The following FAM133A variants were observed in gnomAD, a reference collection of about 807,000 sequenced individuals.
FAM133A encodes family with sequence similarity 133 member A.
For synonymous variants in FAM133A, 65 were observed against 58.6 expected (o/e 1.11, Z -0.50); for missense variants, 159 against 164.4 (o/e 0.97, Z 0.18).
intron 2 of FAM133A, among the ~76,000 whole-genome samples, chrX:93,696,384 G>T (rs1194120672): frequency 7.2e-5 from 8 of 111,144 alleles, no homozygotes; most frequent in East Asian, 2.8e-4. Context: ...CATTAAAATC[G>T]CCATCATCTT....
At chrX:93,694,179 A>G (rs1926074095) in intron 2 of FAM133A, among the ~76,000 whole-genome samples, 1 of 111,383 alleles carries the variant, frequency 9.0e-6, no homozygotes, top group Non-Finnish European at 1.9e-5. Flanking sequence ...TTTGAGAAAG[A>G]TGATATTACA....
chrX:93,711,787 G>C lies in FAM133A; in HGVS notation c.*1621G>C, dbSNP rs763597106. On this transcript the variant is annotated 3_prime_UTR_variant, in exon 4 of 4. Transcript: ENST00000683942. ...TGATGCCATGTTAGATTACCTTGGA[G>C]CTTCATAACTTTAGCTTTTTCCTAA... 2.3e-4 allele frequency: 28 copies of C among 123,128 alleles called. No individual in the cohort carries two copies. Among genetic ancestry groups the C allele is most frequent in the Non-Finnish European group, 5.1e-4 (27 of 53,198 alleles). The allele number at this position is 123,128 out of a possible 1,213,427, so 10.1% of individuals were successfully genotyped here.
At chrX:93,689,103 G>A (rs1266537251) in intron 2 of FAM133A, among the ~76,000 whole-genome samples, 2 of 107,286 alleles carry the variant, frequency 1.9e-5, no homozygotes, top group African/African-American at 6.8e-5. Flanking sequence ...GTGCGATGGC[G>A]TGATCTCGGC....
intron 2 of FAM133A, among the ~76,000 whole-genome samples, chrX:93,686,499 A>G (rs1925539348): frequency 8.9e-6 from 1 of 112,303 alleles, no homozygotes; most frequent in Non-Finnish European, 1.9e-5. Context: ...TATTTAATTC[A>G]TTGGAAAAAT....
At chrX:93,707,152 A>C (rs1927092557) in intron 3 of FAM133A, among the ~76,000 whole-genome samples, 1 of 112,209 alleles carries the variant, frequency 8.9e-6, no homozygotes, top group Non-Finnish European at 1.9e-5. Context: ...AAGAAGCTGC[A>C]AGTTGAATAT....
At chrX:93,708,169 T>C (rs1927163387) in intron 3 of FAM133A, among the ~76,000 whole-genome samples, 2 of 111,691 alleles carry the variant, frequency 1.8e-5, no homozygotes, top group South Asian at 3.7e-4. Flanking sequence ...TTCTGAGGAA[T>C]TGACATTTAA....
Position 93,700,988 on chromosome X carries a change from G to T in FAM133A, c.-104+2503G>T, listed in dbSNP as rs549514769. On this transcript the variant is annotated intron_variant, in intron 3 of 3. Transcript: ENST00000683942. ...GGAAAAATAGTAAAGAACTCCCCTGGTATTTTGCTTCCTATGCTTAAGGCC... is the reference window on the plus strand; with the variant it reads ...GGAAAAATAGTAAAGAACTCCCCTGTTATTTTGCTTCCTATGCTTAAGGCC... Among the ~76,000 whole-genome samples the T allele has an allele frequency of 2.7e-5, 3 of 111,005 alleles. No individual in the cohort carries two copies. The South Asian group carries it at 1.1e-3, about 42-fold the overall frequency.
At chrX:93,677,157 G>GC (rs1924769185) in intron 2 of FAM133A, among the ~76,000 whole-genome samples, 1 of 109,296 alleles carries the variant, frequency 9.1e-6, no homozygotes, top group Admixed American at 9.8e-5. Flanking sequence ...TGATTTTTTG[G>GC]CGGGGGGGCT....
At chrX:93,679,915 ATT>A (rs376335726) in intron 2 of FAM133A, among the ~76,000 whole-genome samples, 19 of 62,376 alleles carry the variant, frequency 3.0e-4, no homozygotes, top group African/African-American at 1.6e-3. Context: ...CTCCTGGCAA[ATT>A]TTTTTTTTTT....
intron 3 of FAM133A, among the ~76,000 whole-genome samples, chrX:93,702,799 A>G (rs889883925): frequency 8.0e-5 from 7 of 87,061 alleles, no homozygotes; most frequent in African/African-American, 3.1e-4. Context: ...CCTTTGTGTT[A>G]TTTCTCCCAA....
chrX:93,682,041 A>G (rs1395639960), intron 2 of FAM133A, among the ~76,000 whole-genome samples: 1 of 111,578 alleles, frequency 9.0e-6, no homozygotes, highest in Non-Finnish European at 1.9e-5. Context: ...GAAAACACTT[A>G]TATCCTTGCC....
At chrX:93,707,841 A>C (rs1335975523) in intron 3 of FAM133A, among the ~76,000 whole-genome samples, 1 of 111,754 alleles carries the variant, frequency 8.9e-6, no homozygotes, top group Non-Finnish European at 1.9e-5. Context: ...TGAGTGCTTA[A>C]TATGGATCAG....
chrX:93,685,581 A>G (rs1354455631), intron 2 of FAM133A, among the ~76,000 whole-genome samples: 1 of 111,883 alleles, frequency 8.9e-6, no homozygotes, highest in East Asian at 2.8e-4. Flanking sequence ...CATTGGACCA[A>G]AGTTATTATA....
chrX:93,696,358 T>C (rs891243342), intron 2 of FAM133A, among the ~76,000 whole-genome samples: 2 of 111,116 alleles, frequency 1.8e-5, no homozygotes, highest in African/African-American at 6.6e-5. Context: ...AAGGAGTAGC[T>C]TGGGAGACAG....
Position 93,710,081 on chromosome X carries a change from A to G in FAM133A, c.662A>G (p.Lys221Arg), listed in dbSNP as rs762136693. ...RCEEREQAKE[K>R]VKKKKKKQHK... ...GAAGAGCGAGAACAAGCAAAGGAAA[A>G]AGTAAAGAAGAAGAAGAAGAAACAG... is the stretch of plus-strand genomic sequence containing the variant. Residue 221 changes from lysine (K) to arginine (R), a missense_variant, in exon 4 of 4, where the codon AAA (lysine) becomes AGA (arginine). Physicochemically the swap from Lys to Arg is conservative, Grantham distance 26. Coordinates refer to ENST00000683942, the MANE Select transcript of FAM133A (RefSeq NM_001171109.2). 41 of 1,198,070 alleles carry G rather than the reference A, an allele frequency of 3.4e-5. No homozygotes were observed. In the African/African-American group the frequency reaches 6.5e-4, roughly 19 times the overall value.
chrX:93,701,443 G>T (rs968510249), intron 3 of FAM133A, among the ~76,000 whole-genome samples: 1 of 111,108 alleles, frequency 9.0e-6, no homozygotes, highest in Non-Finnish European at 1.9e-5. Context: ...ATTTGTTTGG[G>T]GTGTATTTTT....
chrX:93,700,233 C>T (rs1020236549), intron 3 of FAM133A, among the ~76,000 whole-genome samples: 7 of 110,528 alleles, frequency 6.3e-5, no homozygotes, highest in Admixed American at 1.9e-4. Context: ...ATCCCCCAAC[C>T]GCCACTCCCA....
At chrX:93,687,234 C>G (rs1250665195) in intron 2 of FAM133A, among the ~76,000 whole-genome samples, 1 of 111,370 alleles carries the variant, frequency 9.0e-6, no homozygotes, top group Non-Finnish European at 1.9e-5. Flanking sequence ...TGAAGTAACT[C>G]AAGAATGGAA....
At chrX:93,687,108 A>C (rs771871325) in intron 2 of FAM133A, among the ~76,000 whole-genome samples, 1 of 112,285 alleles carries the variant, frequency 8.9e-6, no homozygotes, top group Non-Finnish European at 1.9e-5. Context: ...AACCAACCTA[A>C]ATGCCTATCA....
Sources: gnomAD v4.1 joint callset for allele counts (sites outside exome capture counted in the v4.1 genomes callset) on GRCh38, gnomAD v4.1.1 for gene constraint, MANE v1.5 for transcripts, NCBI Gene and HGNC (gene_info 2026-07-23, HGNC 2026-07-21) for gene names.